The following PARD3 variants were observed in gnomAD, a reference collection of about 807,000 sequenced individuals.
The protein encoded by PARD3 is partitioning defective 3 homolog.
PARD3 carries 75 observed loss-of-function variants against 155.4 expected under a neutral mutation model. The observed-to-expected ratio is 0.48, with a 90% CI of 0.40 to 0.58. The LOEUF (loss-of-function observed/expected upper bound fraction) is 0.58, where lower values mean the gene tolerates loss of function less well. Ranked by LOEUF, PARD3 falls within the 20% of genes least tolerant of loss-of-function variation. The pLI, the probability that PARD3 is intolerant of heterozygous loss-of-function variation, is 0.00. For synonymous variants in PARD3, 576 were observed against 610.5 expected (o/e 0.94, Z 0.83); for missense variants, 1,642 against 1,721.7 (o/e 0.95, Z 0.82).
rs76809011 is a variant in PARD3, at chr10:34,320,339, C to T, written c.2834-3001G>A. 5.3e-3 allele frequency among the ~76,000 whole-genome samples: 812 copies of T among 152,284 alleles called. 22 individuals are homozygous for T. The East Asian group carries it at 0.074, about 14-fold the overall frequency. On this transcript the variant is annotated intron_variant, in intron 19 of 24. Coordinates refer to ENST00000374788, the MANE Select transcript of PARD3 (RefSeq NM_001184785.2). ...AATTAGTTTCTGGTATATTTTCATG[C>T]TATTATTGTTAGTGCTGTATGCATC...
At position 34,261,236 on chromosome 10, in the gene PARD3, T is replaced by C. The variant is rs549302574; in HGVS notation, c.3419+8421A>G. Among the ~76,000 whole-genome samples, 4 of 152,292 alleles carry C rather than the reference T, an allele frequency of 2.6e-5. No homozygotes were observed. The South Asian group carries it at 8.3e-4, about 32-fold the overall frequency. ...ATATTTAACTACAGATTCTGGTCTC[T>C]GGATATAAAAATACAAATTGCATGG... On this transcript the variant is annotated intron_variant, in intron 22 of 24. Transcript: ENST00000374788.
At chr10:34,227,988 A>G (rs969605912) in intron 22 of PARD3, among the ~76,000 whole-genome samples, 3 of 150,256 alleles carry the variant, frequency 2.0e-5, no homozygotes, top group Middle Eastern at 3.4e-3. Context: ...CACTATTTAC[A>G]ATAGCAAAGA....
At chr10:34,370,215 T>C (rs1840440952) in intron 12 of PARD3, among the ~76,000 whole-genome samples, 1 of 152,182 alleles carries the variant, frequency 6.6e-6, no homozygotes, top group Non-Finnish European at 1.5e-5. Flanking sequence ...AGTCCAAGCG[T>C]AACTAGAAGT....
rs1473434160 is a variant in PARD3 at position 34,619,779 on chromosome 10, T to C, written c.222+76539A>G. 5.3e-5 allele frequency among the ~76,000 whole-genome samples: 8 copies of C among 152,196 alleles called. No homozygotes were observed. In the East Asian group the frequency reaches 1.5e-3, roughly 29 times the overall value. On this transcript the variant is annotated intron_variant, in intron 2 of 24. Transcript: ENST00000374788. ...ATGTCCTCTACAATATTTCTACTGC[T>C]CACCCTTTACCTGAACTCCCTTCCT...
chr10:34,118,879 T>G (rs1946827637), intron 24 of PARD3, among the ~76,000 whole-genome samples: 1 of 152,216 alleles, frequency 6.6e-6, no homozygotes, highest in Non-Finnish European at 1.5e-5. Flanking sequence ...TTTGGGAAGT[T>G]TAAAAAGCTG....
At chr10:34,789,871 A>G (rs1841434478) in intron 1 of PARD3, among the ~76,000 whole-genome samples, 3 of 152,220 alleles carry the variant, frequency 2.0e-5, no homozygotes, top group South Asian at 2.1e-4. Context: ...ATTTCCTACA[A>G]TAAGTATGAA....
intron 20 of PARD3, among the ~76,000 whole-genome samples, chr10:34,300,043 A>C (rs1283443723): frequency 6.6e-6 from 1 of 152,160 alleles, no homozygotes; most frequent in African/African-American, 2.4e-5. Flanking sequence ...TACATCATAC[A>C]CAGAGTGACT....
chr10:34,131,632 G>A lies in PARD3; in HGVS notation c.3420-49C>T, dbSNP rs374933250. On this transcript the variant is annotated intron_variant, in intron 22 of 24. Transcript: ENST00000374788. ...TGAATACCCTTCAGAAATATTATCTGTGAACTGCAGTTGCTAGCAAAACAT... is the reference window on the plus strand; with the variant it reads ...TGAATACCCTTCAGAAATATTATCTATGAACTGCAGTTGCTAGCAAAACAT... 44 of 1,561,508 alleles carry A rather than the reference G, an allele frequency of 2.8e-5. No individual in the cohort carries two copies. In the African/African-American group the frequency reaches 4.3e-4, roughly 15 times the overall value.
At chr10:34,239,911 T>C (rs1024186097) in intron 22 of PARD3, among the ~76,000 whole-genome samples, 2 of 152,174 alleles carry the variant, frequency 1.3e-5, no homozygotes, top group Non-Finnish European at 2.9e-5. Context: ...TTTAAAAATA[T>C]TTTATTGGCA....
At chr10:34,617,769 T>C (rs1023141709) in intron 2 of PARD3, among the ~76,000 whole-genome samples, 8 of 152,192 alleles carry the variant, frequency 5.3e-5, no homozygotes, top group African/African-American at 1.9e-4. Context: ...TGGGACTGGC[T>C]TCATAAATTT....
intron 2 of PARD3, among the ~76,000 whole-genome samples, chr10:34,558,830 C>G (rs898393858): frequency 2.0e-5 from 3 of 152,128 alleles, no homozygotes; most frequent in African/African-American, 7.2e-5. Flanking sequence ...GCCTGTAATG[C>G]CAGCTACTCA....
intron 1 of PARD3, among the ~76,000 whole-genome samples, chr10:34,789,125 G>A (rs1000875670): frequency 6.6e-6 from 1 of 152,032 alleles, no homozygotes; most frequent in African/African-American, 2.4e-5. Flanking sequence ...AGTGCTATAC[G>A]ACCTCTAAAA....
At chr10:34,558,058 T>C (rs1335424534) in intron 2 of PARD3, among the ~76,000 whole-genome samples, 2 of 152,102 alleles carry the variant, frequency 1.3e-5, no homozygotes, top group East Asian at 3.9e-4. Flanking sequence ...ACTTTGGTGT[T>C]GCTGGCTGTA....
intron 2 of PARD3, among the ~76,000 whole-genome samples, chr10:34,598,959 T>C (rs1334530580): frequency 6.7e-6 from 1 of 148,506 alleles, no homozygotes; most frequent in Admixed American, 6.7e-5. Flanking sequence ...CACAGAACCC[T>C]GCCCCAGCCT....
At chr10:34,537,345 T>C (rs2083295453) in intron 2 of PARD3, among the ~76,000 whole-genome samples, 1 of 152,168 alleles carries the variant, frequency 6.6e-6, no homozygotes, top group Admixed American at 6.5e-5. Context: ...CAATTCTGAA[T>C]TGAGTTATAT....
intron 2 of PARD3, among the ~76,000 whole-genome samples, chr10:34,639,067 G>A (rs911560145): frequency 5.9e-5 from 9 of 152,170 alleles, no homozygotes; most frequent in African/African-American, 2.2e-4. Flanking sequence ...ATCTATGAAA[G>A]AAGATATGAG....
intron 22 of PARD3, among the ~76,000 whole-genome samples, chr10:34,145,221 A>ATATTTT (rs1491430560): frequency 3.8e-4 from 13 of 33,968 alleles, no homozygotes; most frequent in Non-Finnish European, 6.5e-4. Context: ...ATATATATAT[A>ATATTTT]TTTTTTTTTT....
At chr10:34,802,735 T>C (rs1361515123) in intron 1 of PARD3, among the ~76,000 whole-genome samples, 4 of 152,116 alleles carry the variant, frequency 2.6e-5, no homozygotes, top group African/African-American at 9.7e-5. Flanking sequence ...TTCCCACATG[T>C]GGTGAAGTTC....
chr10:34,210,624 G>A (rs554127817), intron 22 of PARD3, among the ~76,000 whole-genome samples: 23 of 152,224 alleles, frequency 1.5e-4, no homozygotes, highest in African/African-American at 5.5e-4. Context: ...TCAAAAACTT[G>A]ATACCTGGGA....
Sources: allele counts gnomAD v4.1 joint callset (sites outside exome capture counted in the v4.1 genomes callset), GRCh38; gene constraint gnomAD v4.1.1; transcripts MANE v1.5; gene names NCBI Gene and HGNC (gene_info 2026-07-23, HGNC 2026-07-21).